RGS12: variants seen among roughly 807,000 people sequenced by gnomAD.
RGS12 encodes the protein regulator of G-protein signaling 12.
RGS12 carries 66 observed loss-of-function variants against 120.1 expected under a neutral mutation model. The observed-to-expected ratio is 0.55, with a 90% CI of 0.45 to 0.67. The LOEUF (loss-of-function observed/expected upper bound fraction) is 0.67. Among genes scored for constraint, RGS12 ranks in the 30% least tolerant of loss-of-function variants. The pLI, the probability that RGS12 is intolerant of heterozygous loss-of-function variation, is 0.00. For synonymous variants in RGS12, 827 were observed against 804.7 expected (o/e 1.03, Z -0.47); for missense variants, 1,859 against 1,957.7 (o/e 0.95, Z 0.95).
In RGS12 at chr4:3,366,989, C is replaced by G. The variant is rs977608847; in HGVS notation, c.1999-19427C>G. ...TCCCCGCCCAGAATGCCCTCTGCCCCGCCACCCCCATCATCCCTGCTGCCC... is the reference window on the plus strand; with the variant it reads ...TCCCCGCCCAGAATGCCCTCTGCCCGGCCACCCCCATCATCCCTGCTGCCC... On this transcript the variant is annotated intron_variant, in intron 3 of 17. Transcript: ENST00000336727. This position sits in a 1 kb window ranked among gnomAD's most constrained non-coding sequence, Gnocchi z 4.0. Among the ~76,000 whole-genome samples, 2 of 152,196 alleles carry G rather than the reference C, an allele frequency of 1.3e-5. No homozygotes were observed. The highest frequency in any genetic ancestry group is 4.8e-5 in the African/African-American group (2 of 41,462).
chr4:3,321,342 TC>T (rs1229043217), intron 2 of RGS12, among the ~76,000 whole-genome samples: 2 of 151,780 alleles, frequency 1.3e-5, no homozygotes, highest in African/African-American at 4.8e-5. Flanking sequence ...TTGGTGGCTG[TC>T]CCCAGTCCCC....
At position 3,417,099 on chromosome 4, in the gene RGS12, T is replaced by C. The variant is rs772171432; in HGVS notation, c.2607+7T>C. The C allele has an allele frequency of 1.9e-6, 3 of 1,588,672 alleles. No individual in the cohort carries two copies. The Admixed American group carries it at 5.1e-5, about 27-fold the overall frequency. On this transcript the variant is annotated splice_region_variant and intron_variant, in intron 8 of 17. Transcript: ENST00000336727. ...TGTGTCCACGCCAAAAAAGGTGACC[T>C]CCCCGAGGCTGGCCTCACGCCCCTG...
intron 3 of RGS12, among the ~76,000 whole-genome samples, chr4:3,376,406 A>AGGAG (rs1458272206): frequency 6.6e-6 from 1 of 152,156 alleles, no homozygotes; most frequent in Admixed American, 6.5e-5. Flanking sequence ...GGCTGCAGTG[A>AGGAG]GGAGGGCACC....
Position 3,439,486 on chromosome 4 carries a change from A to G in RGS12, c.4146A>G (p.Pro1382=), listed in dbSNP as rs747165606. The G allele has an allele frequency of 2.5e-6, 4 of 1,612,672 alleles. No individual in the cohort carries two copies. Among genetic ancestry groups the G allele is most frequent in the African/African-American group, 1.3e-5 (1 of 74,908 alleles). Residue 1382 remains proline (P), a synonymous_variant, in exon 18 of 18, where the codon CCA becomes CCG. Coordinates refer to ENST00000336727, the MANE Select transcript of RGS12 (RefSeq NM_001394154.1). The part of the protein sequence containing the change: ...GSGTHGSRDL[P]VNRIIDVDLV... ...GGACCCATGGCAGCCGAGACCTCCC[A>G]GTCAACAGAATCATCGATGTGGATC... is the stretch of plus-strand genomic sequence containing the variant.
At chr4:3,431,468 C>T in intron 17 of RGS12, 2 of 988,510 alleles carry the variant, frequency 2.0e-6, no homozygotes, top group Non-Finnish European at 1.2e-6. Context: ...CACCGGCGGC[C>T]CCCGTAGCAG....
chr4:3,377,933 T>C (rs1329664885), intron 3 of RGS12, among the ~76,000 whole-genome samples: 2 of 152,248 alleles, frequency 1.3e-5, no homozygotes, highest in Non-Finnish European at 2.9e-5. Context: ...AGCTGTTTAA[T>C]TACGGTATAT....
the RGS12 span, among the ~76,000 whole-genome samples, chr4:3,287,601 T>A: frequency 6.6e-6 from 1 of 152,238 alleles, no homozygotes; most frequent in African/African-American, 2.4e-5. Context: ...GTAGGAATAA[T>A]ATGGTCTACT....
intron 3 of RGS12, among the ~76,000 whole-genome samples, chr4:3,370,579 A>G (rs1251118245): frequency 6.6e-6 from 1 of 152,260 alleles, no homozygotes; most frequent in African/African-American, 2.4e-5. Context: ...CCAAGCTGCC[A>G]GGTTTTAAGT....
intron 1 of RGS12, among the ~76,000 whole-genome samples, chr4:3,305,801 C>T (rs1428009685): frequency 1.3e-5 from 2 of 152,312 alleles, no homozygotes; most frequent in Admixed American, 6.5e-5. Context: ...GTCCCTCTGC[C>T]CTTGGAGGCT....
Position 3,417,552 on chromosome 4 carries a change from TGGCTCCTGGGC to T in RGS12, c.2761+12_2761+22del. The T allele has an allele frequency of 6.2e-7, 1 of 1,611,934 alleles. No homozygotes were observed. ...GGGACCACGCAGACGGTTTGTGGGG[TGGCTCCTGGGC>T]TGTGGTGTCCAGGCCAGGCAGCCGC... On this transcript the variant is annotated intron_variant, in intron 9 of 17. Coordinates refer to ENST00000336727, the MANE Select transcript of RGS12 (RefSeq NM_001394154.1).
chr4:3,408,055 A>G (rs1721347935), intron 4 of RGS12, among the ~76,000 whole-genome samples: 3 of 152,140 alleles, frequency 2.0e-5, no homozygotes, highest in African/African-American at 7.2e-5. Context: ...TGTTTTGTGG[A>G]TCTCTTTTCT....
intron 1 of RGS12, among the ~76,000 whole-genome samples, chr4:3,294,737 A>C (rs779614860): frequency 1.3e-5 from 2 of 152,208 alleles, no homozygotes; most frequent in Non-Finnish European, 2.9e-5. Context: ...CTGAGGCTGG[A>C]ACCTGCCATC....
intron 3 of RGS12, 113 bp downstream of exon 3, chr4:3,343,166 C>CT (rs1713426266): frequency 1.4e-6 from 1 of 697,226 alleles, no homozygotes; most frequent in Non-Finnish European, 2.5e-6. Flanking sequence ...TCCCCTCCTC[C>CT]TCTGTAGTGG....
chr4:3,393,419 C>T (rs943872664), intron 4 of RGS12, among the ~76,000 whole-genome samples: 4 of 152,168 alleles, frequency 2.6e-5, no homozygotes, highest in African/African-American at 9.7e-5. Context: ...CCTGCTAGGT[C>T]TCTCCTGCAC....
chr4:3,413,814 A>T (rs1722023232), intron 4 of RGS12: 1 of 469,684 alleles, frequency 2.1e-6, no homozygotes. Context: ...GGGCCTGCAC[A>T]TGTGAACATG....
chr4:3,363,003 G>C (rs1715869409), intron 3 of RGS12, among the ~76,000 whole-genome samples: 1 of 151,500 alleles, frequency 6.6e-6, no homozygotes, highest in African/African-American at 2.4e-5. Context: ...GTGAGAGTGT[G>C]CACGTCTGTG....
chr4:3,372,959 C>T lies in RGS12; in HGVS notation c.1999-13457C>T, dbSNP rs1717192941. On this transcript the variant is annotated intron_variant, in intron 3 of 17. Transcript: ENST00000336727. This position sits in a 1 kb window ranked among gnomAD's most constrained non-coding sequence, Gnocchi z 4.3. The stretch of plus-strand genomic sequence containing the variant: ...TTGTAGGCAGTGTGGAGGCCATGGT[C>T]GCTGAGGAAGGGCAGGAGGGAGGAG... Among the ~76,000 whole-genome samples the T allele has an allele frequency of 6.6e-6, 1 of 152,140 alleles. No homozygotes were observed. The highest frequency in any genetic ancestry group is 2.4e-5 in the African/African-American group (1 of 41,426).
Position 3,414,772 on chromosome 4 carries a change from C to A in RGS12, c.2211C>A (p.Phe737Leu). 1.2e-6 allele frequency: 2 copies of A among 1,611,378 alleles called. No homozygotes were observed. The highest frequency in any genetic ancestry group is 1.7e-6 in the Non-Finnish European group (2 of 1,177,514). Residue 737 changes from phenylalanine to leucine, a missense_variant, in exon 6 of 18, where the codon TTC becomes TTA. By Grantham distance (22) the Phe-to-Leu change is conservative. This residue lies in a region of RGS12 where 375 missense variants were observed against 475.0 expected (regional missense o/e 0.79). Transcript: ENST00000336727. ...CTTAGGATTTTCTAAGGAAAGAATT[C>A]AGTGAAGAAAACATTTTATTCTGGC... is the stretch of plus-strand genomic sequence containing the variant. ...RYFSDFLRKE[F>L]SEENILFWQA... is the part of the protein sequence containing the mutation.
intron 4 of RGS12, among the ~76,000 whole-genome samples, chr4:3,396,870 G>A (rs572560113): frequency 1.3e-5 from 2 of 151,572 alleles, no homozygotes; most frequent in East Asian, 3.9e-4. Flanking sequence ...TCCTGGAAAT[G>A]TTATCACAAG....
Sources: allele counts gnomAD v4.1 joint callset (sites outside exome capture counted in the v4.1 genomes callset), GRCh38; gene constraint gnomAD v4.1.1; regional missense constraint gnomAD v4.1.1; non-coding constraint Gnocchi (gnomAD v3.1); transcripts MANE v1.5; gene names NCBI Gene and HGNC (gene_info 2026-07-23, HGNC 2026-07-21).